SDR16C5: variants seen among roughly 807,000 people sequenced by gnomAD.
SDR16C5 encodes epidermal retinol dehydrogenase 2.
A neutral mutation model predicts 27.7 loss-of-function variants in SDR16C5; 20 were observed. That is an observed-to-expected ratio of 0.72 (90% CI 0.51 to 1.05). The LOEUF is 1.05. SDR16C5 is among the 50% of genes least tolerant of loss of function. The pLI is 0.00. For synonymous variants in SDR16C5, 139 were observed against 132.3 expected, an observed-to-expected ratio of 1.05 and a Z score of -0.35; for missense variants, 374 against 366.3, an observed-to-expected ratio of 1.02 and a Z score of -0.17.
In SDR16C5 at chr8:56,307,166, T is replaced by C. The variant is rs146137840; in HGVS notation, c.566-346A>G. Among the ~76,000 whole-genome samples, 8 of 152,244 alleles carry C rather than the reference T, an allele frequency of 5.3e-5. No individual in the cohort carries two copies. In the East Asian group the frequency reaches 7.7e-4, roughly 15 times the overall value. On this transcript the variant is annotated intron_variant, in intron 4 of 6. Transcript: ENST00000303749. ...CTTGTCTCAAAAAATTGCAATCCCATTGGGGCATGAAGACATTCAAAAGAA... is the reference window on the plus strand; with the variant it reads ...CTTGTCTCAAAAAATTGCAATCCCACTGGGGCATGAAGACATTCAAAAGAA...
intron 4 of SDR16C5, among the ~76,000 whole-genome samples, 178 bp from the exon 5 acceptor site, chr8:56,306,998 A>G (rs1814903026): frequency 6.6e-6 from 1 of 152,198 alleles, no homozygotes; most frequent in African/African-American, 2.4e-5. Context: ...GGACATGGTT[A>G]ACTGAAGATC....
chr8:56,306,431 T>C (rs1814884259), intron 5 of SDR16C5, among the ~76,000 whole-genome samples: 1 of 152,134 alleles, frequency 6.6e-6, no homozygotes, highest in Non-Finnish European at 1.5e-5. Context: ...CCTGAGAGTC[T>C]GGGAAATGGA....
At position 56,312,764 on chromosome 8, in the gene SDR16C5, C is replaced by T. The variant is rs531589928; in HGVS notation, c.334-476G>A. Among the ~76,000 whole-genome samples the T allele has an allele frequency of 6.8e-5, 8 of 117,718 alleles. No individual in the cohort carries two copies. In the East Asian group the frequency reaches 1.8e-3, roughly 26 times the overall value. 77.2% of individuals were successfully genotyped at this position (117,718 alleles called of 152,430 possible). ...TATTTCCATTGCTGAGTCTACAATGCACCACACACCAAGTTTTTTTTTTTT... is the reference window on the plus strand; with the variant it reads ...TATTTCCATTGCTGAGTCTACAATGTACCACACACCAAGTTTTTTTTTTTT... On this transcript the variant is annotated intron_variant, in intron 2 of 6. Coordinates refer to ENST00000303749, the MANE Select transcript of SDR16C5 (RefSeq NM_138969.4).
intron 6 of SDR16C5, among the ~76,000 whole-genome samples, chr8:56,305,347 T>C (rs1814853752): frequency 6.6e-6 from 1 of 152,174 alleles, no homozygotes; most frequent in Admixed American, 6.5e-5. Flanking sequence ...CACTTCTTTT[T>C]CAGAATAATT....
intron 3 of SDR16C5, among the ~76,000 whole-genome samples, chr8:56,311,344 G>C (rs890449805): frequency 6.6e-6 from 1 of 152,108 alleles, no homozygotes; most frequent in Non-Finnish European, 1.5e-5. Flanking sequence ...GAATCCGGGA[G>C]GTTGGAGGTT....
chr8:56,303,545 C>T (rs144420481), intron 6 of SDR16C5, among the ~76,000 whole-genome samples: 33 of 152,230 alleles, frequency 2.2e-4, no homozygotes, highest in African/African-American at 7.9e-4. Context: ...TAACCCTAAG[C>T]GCAGATCCTT....
At chr8:56,302,112 C>T (rs1814771579) in intron 6 of SDR16C5, among the ~76,000 whole-genome samples, 1 of 152,218 alleles carries the variant, frequency 6.6e-6, no homozygotes, top group African/African-American at 2.4e-5. Flanking sequence ...TCTGCAAAGC[C>T]ATATACATGC....
intron 2 of SDR16C5, among the ~76,000 whole-genome samples, chr8:56,313,716 A>G (rs1054224112): frequency 6.6e-5 from 10 of 152,196 alleles, no homozygotes; most frequent in African/African-American, 2.4e-4. Context: ...CACAGCACAG[A>G]TTAGAATCTG....
At chr8:56,312,365 G>A in intron 2 of SDR16C5, 77 bp from the exon 3 acceptor site, 1 of 1,349,318 alleles carries the variant, frequency 7.4e-7, no homozygotes, top group Non-Finnish European at 1.1e-6. Context: ...AGAGTTTTAT[G>A]TTTTTTTTAT....
At chr8:56,317,315 G>T (rs1815224999) in intron 1 of SDR16C5, among the ~76,000 whole-genome samples, 1 of 151,866 alleles carries the variant, frequency 6.6e-6, no homozygotes, top group Admixed American at 6.6e-5. Flanking sequence ...ATGAATAAAA[G>T]GCCTCCCCTT....
intron 1 of SDR16C5, among the ~76,000 whole-genome samples, chr8:56,317,825 G>T (rs2129262321): frequency 6.6e-6 from 1 of 152,278 alleles, no homozygotes; most frequent in Admixed American, 6.5e-5. Context: ...GGCCAGATTG[G>T]TTCATGTGTT....
chr8:56,319,405 A>C (rs183105340), intron 1 of SDR16C5, among the ~76,000 whole-genome samples: 1 of 152,370 alleles, frequency 6.6e-6, no homozygotes, highest in East Asian at 1.9e-4. Flanking sequence ...ATATCAATTA[A>C]ATATGGTTAT....
At chr8:56,314,513 G>A (rs1259954738) in intron 2 of SDR16C5, among the ~76,000 whole-genome samples, 8 of 152,308 alleles carry the variant, frequency 5.3e-5, no homozygotes, top group South Asian at 2.1e-4. Context: ...AACATCAACC[G>A]GTTATTGCTT....
rs774750169 is a variant in SDR16C5, at chr8:56,316,021, G to A, written c.327C>T (p.Ala109=). 10 of 1,608,466 alleles carry A rather than the reference G, an allele frequency of 6.2e-6. No individual in the cohort carries two copies. Among genetic ancestry groups the A allele is most frequent in the South Asian group, 5.5e-5 (5 of 90,740 alleles). Residue 109 remains alanine (A), a synonymous_variant, in exon 2 of 7, where the codon GCC becomes GCT. Coordinates refer to ENST00000303749, the MANE Select transcript of SDR16C5 (RefSeq NM_138969.4). ...CSQKEGVYRV[A]DQVKKEVGDV... is the part of the protein sequence containing the mutation. The stretch of plus-strand genomic sequence containing the variant: ...GTAAACACACAAGAGTTACCTGGTC[G>A]GCTACTCTATACACTCCTTCCTTTT...
chr8:56,310,910 T>C (rs1161403337), intron 3 of SDR16C5, among the ~76,000 whole-genome samples: 1 of 152,110 alleles, frequency 6.6e-6, no homozygotes, highest in East Asian at 1.9e-4. Flanking sequence ...TTTCCATTTT[T>C]CTCCTGAAAA....
Position 56,300,423 on chromosome 8 carries a change from TTCTC to T in SDR16C5, c.*1053_*1056del, listed in dbSNP as rs1814722251. The T allele has an allele frequency of 6.6e-6, 1 of 152,214 alleles. No individual in the cohort carries two copies. The highest frequency in any genetic ancestry group is 2.4e-5 in the African/African-American group (1 of 41,442). The allele number at this position is 152,214 out of a possible 1,614,324, so 9.4% of individuals were successfully genotyped here. On this transcript the variant is annotated 3_prime_UTR_variant, in exon 7 of 7. Coordinates refer to ENST00000303749, the MANE Select transcript of SDR16C5 (RefSeq NM_138969.4). ...AGAGGGAAGAGACAAAGGCTGCTGTTTCTCTTGCAAGGCTGCCCCCACCAGCCTG... is the reference window on the plus strand; with the variant it reads ...AGAGGGAAGAGACAAAGGCTGCTGTTTTGCAAGGCTGCCCCCACCAGCCTG...
chr8:56,312,707 A>AAAAT (rs1382672456), intron 2 of SDR16C5, among the ~76,000 whole-genome samples: 4 of 152,092 alleles, frequency 2.6e-5, no homozygotes, highest in Non-Finnish European at 4.4e-5. Context: ...TGCATCTAAA[A>AAAAT]AAATAAATAA....
chr8:56,315,967 AAG>A, intron 2 of SDR16C5, 46 bp downstream of exon 2: 1 of 1,302,048 alleles, frequency 7.7e-7, no homozygotes, highest in Non-Finnish European at 1.1e-6. Flanking sequence ...GCAAGTGAAA[AAG>A]AGTGTGATGT....
rs761429241 is a variant in SDR16C5 at position 56,316,152 on chromosome 8, C to G, written c.196G>C (p.Val66Leu). The change falls in exon 2 of 7, where the codon GTT becomes CTT. Residue 66 changes from valine (V) to leucine (L), a missense_variant. By Grantham distance (32) the Val-to-Leu change is conservative. Transcript: ENST00000303749. ...LALQFARLGS[V>L]LVLWDINKEG... Reference sequence around the variant, plus strand: ...TTATTGATATCCCAGAGAACAAGAACAGATCCCAGCCGGGCAAACTGCAAG... The same window carrying G: ...TTATTGATATCCCAGAGAACAAGAAGAGATCCCAGCCGGGCAAACTGCAAG... The G allele has an allele frequency of 3.7e-6, 6 of 1,614,026 alleles. No individual in the cohort carries two copies. Among genetic ancestry groups the G allele is most frequent in the Admixed American group, 1.7e-5 (1 of 59,998 alleles).
Sources: allele counts gnomAD v4.1 joint callset (sites outside exome capture counted in the v4.1 genomes callset), GRCh38; gene constraint gnomAD v4.1.1; transcripts MANE v1.5; gene names NCBI Gene and HGNC (gene_info 2026-07-23, HGNC 2026-07-21).